The following CDC40 variants were observed in gnomAD, a reference collection of about 807,000 sequenced individuals.
CDC40 encodes the protein pre-mRNA-processing factor 17.
Under a neutral mutation model 80.6 loss-of-function variants are expected in CDC40, and 27 were observed. That is an observed-to-expected ratio of 0.33 (90% CI 0.25 to 0.46). The LOEUF is 0.46. Ranked by LOEUF, CDC40 falls within the 20% of genes least tolerant of loss-of-function variation. The probability of loss-of-function intolerance (pLI) is 1.00; values close to 1 mark genes in which losing one functional copy is unlikely to be tolerated. For synonymous variants in CDC40, 221 were observed against 232.6 expected (o/e 0.95, Z 0.45); for missense variants, 486 against 694.1 (o/e 0.70, Z 3.37).
chr6:110,203,634 G>A (rs1392215021), intron 3 of CDC40, among the ~76,000 whole-genome samples: 2 of 152,088 alleles, frequency 1.3e-5, no homozygotes, highest in Admixed American at 1.3e-4. Flanking sequence ...AATTATTTCT[G>A]GAAGATTTAT....
In CDC40 at chr6:110,217,755, C is replaced by T; in HGVS notation, c.1042C>T (p.Leu348Phe). 2 of 1,608,264 alleles carry T rather than the reference C, an allele frequency of 1.2e-6. No homozygotes were observed. Among genetic ancestry groups the T allele is most frequent in the South Asian group, 1.1e-5 (1 of 90,936 alleles). The change falls in exon 10 of 15, where the codon CTC (leucine) becomes TTC (phenylalanine). Residue 348 changes from leucine (L) to phenylalanine (F), a missense_variant. Leu to Phe is a conservative substitution (Grantham distance 22). Transcript: ENST00000307731. ...ICFNTAGTQFLSAAYDRYLKL... is the reference protein window; with the variant it reads ...ICFNTAGTQFFSAAYDRYLKL... The stretch of plus-strand genomic sequence containing the variant: ...CTTCAATACTGCAGGAACACAGTTC[C>T]TCAGTGCAGCCTATGACAGGTATCT...
intron 2 of CDC40, among the ~76,000 whole-genome samples, chr6:110,194,959 G>A (rs1777399708): frequency 6.6e-6 from 1 of 152,102 alleles, no homozygotes; most frequent in Non-Finnish European, 1.5e-5. Flanking sequence ...GTCCTTTAAT[G>A]TTCTTTTTCC....
At chr6:110,187,528 T>A (rs1434419629) in intron 1 of CDC40, among the ~76,000 whole-genome samples, 2 of 152,254 alleles carry the variant, frequency 1.3e-5, no homozygotes. Context: ...GATATCTTTA[T>A]CTGAAGTTCT....
rs770945694 is a variant in CDC40, at chr6:110,180,450, G to A, written c.6G>A (p.Ser2=). The change falls in exon 1 of 15, where the codon TCG becomes TCA. Residue 2 remains serine, a synonymous_variant. Transcript: ENST00000307731. M[S]AAIAALAASY... ...GCAGAAGATTTGTTGCCGTCATGTC[G>A]GCTGCGATTGCAGCTCTGGCCGCTT... The A allele has an allele frequency of 2.5e-6, 4 of 1,613,904 alleles. No homozygotes were observed. Among genetic ancestry groups the A allele is most frequent in the East Asian group, 2.2e-5 (1 of 44,892 alleles).
Position 110,228,900 on chromosome 6 carries a change from T to G in CDC40, c.1486T>G (p.Leu496Val). The G allele has an allele frequency of 3.1e-6, 5 of 1,606,778 alleles. No individual in the cohort carries two copies. The highest frequency in any genetic ancestry group is 4.2e-6 in the Non-Finnish European group (5 of 1,177,602). ...LIFGAQNRFR[L>V]NKKKIFKGHM... ...TTTTGGAGCACAGAACAGATTTAGATTAAATAAGAAAAAAATTTTTAAGGG... is the reference window on the plus strand; with the variant it reads ...TTTTGGAGCACAGAACAGATTTAGAGTAAATAAGAAAAAAATTTTTAAGGG... Residue 496 changes from leucine to valine, a missense_variant, in exon 14 of 15, where the codon TTA becomes GTA. By Grantham distance (32) the Leu-to-Val change is conservative. Coordinates refer to ENST00000307731, the MANE Select transcript of CDC40 (RefSeq NM_015891.3).
At chr6:110,226,355 A>G (rs1449968196) in intron 13 of CDC40, 112 bp downstream of exon 13, 2 of 605,860 alleles carry the variant, frequency 3.3e-6, no homozygotes, top group Non-Finnish European at 5.8e-6. Context: ...TCACTGTGCC[A>G]TTATTTGTAT....
rs1418601623 is a variant in CDC40, at chr6:110,231,090, A to G, written c.*959A>G. ...CAACAGAACTTTTTAAGATTAAAAA[A>G]TTTTTAAACCTCTATGTCTGAAAAA... On this transcript the variant is annotated 3_prime_UTR_variant, in exon 15 of 15. Transcript: ENST00000307731. The G allele has an allele frequency of 6.6e-6, 1 of 152,226 alleles. No homozygotes were observed. Among genetic ancestry groups the G allele is most frequent in the Non-Finnish European group, 1.5e-5 (1 of 68,034 alleles). The allele number at this position is 152,226 out of a possible 1,614,324, so 9.4% of individuals were successfully genotyped here. A position where few individuals can be genotyped will look rare whatever the true frequency, so the allele number is the denominator to read the frequency against.
intron 2 of CDC40, among the ~76,000 whole-genome samples, chr6:110,199,268 G>A (rs1431653292): frequency 6.6e-6 from 1 of 152,108 alleles, no homozygotes; most frequent in Admixed American, 6.5e-5. Context: ...AGAAATCACA[G>A]TTCTTTTACA....
In CDC40 at chr6:110,219,718, T is replaced by A; in HGVS notation, c.1207-18T>A. The A allele has an allele frequency of 6.2e-7, 1 of 1,612,330 alleles. No individual in the cohort carries two copies. Among genetic ancestry groups the A allele is most frequent in the Non-Finnish European group, 8.5e-7 (1 of 1,179,326 alleles). On this transcript the variant is annotated intron_variant, in intron 11 of 14. Transcript: ENST00000307731. Reference sequence around the variant, plus strand: ...CACTCTACTTCTGTCTTTACCTTTTTTCTTGCCTGATACACAGTGGGACAT... The same window carrying A: ...CACTCTACTTCTGTCTTTACCTTTTATCTTGCCTGATACACAGTGGGACAT...
At chr6:110,187,278 G>C (rs1186748705) in intron 1 of CDC40, among the ~76,000 whole-genome samples, 1 of 152,214 alleles carries the variant, frequency 6.6e-6, no homozygotes, top group Non-Finnish European at 1.5e-5. Flanking sequence ...TGGTTATTAA[G>C]TGACTTTAAG....
intron 10 of CDC40, among the ~76,000 whole-genome samples, chr6:110,219,126 A>G (rs1339177850): frequency 1.3e-5 from 2 of 152,100 alleles, no homozygotes; most frequent in Non-Finnish European, 2.9e-5. Flanking sequence ...CTATTCCATT[A>G]TATGAATGAA....
intron 12 of CDC40, among the ~76,000 whole-genome samples, chr6:110,222,618 G>C (rs1346262264): frequency 6.6e-6 from 1 of 151,968 alleles, no homozygotes; most frequent in Non-Finnish European, 1.5e-5. Flanking sequence ...CTTACTATGA[G>C]AGCCTTCCTG....
intron 7 of CDC40, among the ~76,000 whole-genome samples, 158 bp from the exon 8 acceptor site, chr6:110,212,928 G>T (rs1777655057): frequency 1.3e-5 from 2 of 152,160 alleles, no homozygotes. Context: ...AATAAGGCCT[G>T]CTCTTGGAAT....
At chr6:110,189,686 G>A (rs889352780) in intron 1 of CDC40, among the ~76,000 whole-genome samples, 1 of 152,062 alleles carries the variant, frequency 6.6e-6, no homozygotes, top group African/African-American at 2.4e-5. Flanking sequence ...TTTGTCATGT[G>A]TCTCTCCCTG....
intron 9 of CDC40, among the ~76,000 whole-genome samples, chr6:110,217,336 A>G (rs1337565584): frequency 2.0e-5 from 3 of 152,222 alleles, no homozygotes. Context: ...TTCACTGGCA[A>G]TAATTGGTCT....
intron 7 of CDC40, among the ~76,000 whole-genome samples, chr6:110,212,672 T>A (rs1777651209): frequency 6.6e-6 from 1 of 152,232 alleles, no homozygotes; most frequent in Non-Finnish European, 1.5e-5. Context: ...AGATGCGCCC[T>A]GGTTTATAAA....
chr6:110,207,362 A>ATGATTGGTCC, intron 3 of CDC40, 144 bp from the exon 4 acceptor site: 1 of 518,358 alleles, frequency 1.9e-6, no homozygotes, highest in Non-Finnish European at 3.5e-6. Flanking sequence ...TCAGGGCAGA[A>ATGATTGGTCC]TGATTGGTCC....
chr6:110,201,772 T>G, intron 3 of CDC40, 85 bp downstream of exon 3: 1 of 1,147,538 alleles, frequency 8.7e-7, no homozygotes, highest in Middle Eastern at 2.1e-4. Flanking sequence ...ATCTTCTGGC[T>G]TTTAAAATTC....
chr6:110,207,430 G>T, intron 3 of CDC40, 76 bp from the exon 4 acceptor site: 3 of 714,462 alleles, frequency 4.2e-6, no homozygotes, highest in Admixed American at 2.1e-5. Flanking sequence ...TGTGAAATGT[G>T]TATATTTGTA....
Sources: gnomAD v4.1 joint callset for allele counts (sites outside exome capture counted in the v4.1 genomes callset) on GRCh38, gnomAD v4.1.1 for gene constraint, MANE v1.5 for transcripts, NCBI Gene and HGNC (gene_info 2026-07-23, HGNC 2026-07-21) for gene names.